ZNF529: variants seen among roughly 807,000 people sequenced by gnomAD.
ZNF529 encodes the protein zinc finger protein 529.
A neutral mutation model predicts 10.1 loss-of-function variants in ZNF529; 11 were observed. The ratio of observed to expected loss-of-function variants is 1.09; its 90% CI spans 0.69 to 1.81. The LOEUF (loss-of-function observed/expected upper bound fraction) is 1.81. ZNF529 is among the 40% of genes most tolerant of loss of function. The pLI, the probability that ZNF529 is intolerant of heterozygous loss-of-function variation, is 0.00. For missense variants in ZNF529, 624 were observed against 666.8 expected (o/e 0.94, Z 0.71); for synonymous variants, 204 against 215.7 (o/e 0.95, Z 0.47).
At chr19:36,596,708 G>A (rs2036848253) in intron 1 of ZNF529, among the ~76,000 whole-genome samples, 1 of 151,070 alleles carries the variant, frequency 6.6e-6, no homozygotes, top group East Asian at 2.0e-4. Context: ...TAGTAAAGAT[G>A]GGGTTTTCAC....
intron 2 of ZNF529, among the ~76,000 whole-genome samples, chr19:36,567,973 A>G (rs1251107191): frequency 6.6e-6 from 1 of 152,210 alleles, no homozygotes; most frequent in African/African-American, 2.4e-5. Flanking sequence ...CCCAACAAAA[A>G]GACAAACAGC....
intron 2 of ZNF529, among the ~76,000 whole-genome samples, chr19:36,561,366 A>T (rs903982190): frequency 6.6e-5 from 10 of 150,650 alleles, no homozygotes; most frequent in Non-Finnish European, 1.2e-4. Flanking sequence ...GAAGCATGGC[A>T]TCCTTCAAAG....
chr19:36,574,842 G>A, upstream of ZNF529: 1 of 471,240 alleles, frequency 2.1e-6, no homozygotes, highest in Non-Finnish European at 4.4e-6. Context: ...TACGAATAAA[G>A]CTGGCACGTT....
chr19:36,559,004 A>G (rs1235906752), intron 2 of ZNF529, among the ~76,000 whole-genome samples: 1 of 152,124 alleles, frequency 6.6e-6, no homozygotes, highest in African/African-American at 2.4e-5. Context: ...GAAGATATAC[A>G]AATGGTCAAC....
chr19:36,583,012 C>A (rs747448828), intron 2 of ZNF529, among the ~76,000 whole-genome samples: 5 of 152,024 alleles, frequency 3.3e-5, no homozygotes, highest in Non-Finnish European at 7.4e-5. Context: ...CTTCTCAAAA[C>A]TCTTGACTCA....
chr19:36,576,669 A>T (rs1345320950), upstream of ZNF529, among the ~76,000 whole-genome samples: 1 of 152,060 alleles, frequency 6.6e-6, no homozygotes, highest in Non-Finnish European at 1.5e-5. Flanking sequence ...GTGAGCCAAG[A>T]TCGTGCCATT....
chr19:36,565,556 C>T (rs757212298), intron 2 of ZNF529, among the ~76,000 whole-genome samples: 7 of 152,100 alleles, frequency 4.6e-5, no homozygotes, highest in Admixed American at 2.0e-4. Context: ...CAAAAATTAG[C>T]TGGGAATGGT....
chr19:36,579,771 T>C (rs1303776589), intron 2 of ZNF529, among the ~76,000 whole-genome samples: 1 of 152,230 alleles, frequency 6.6e-6, no homozygotes, highest in Admixed American at 6.5e-5. Flanking sequence ...GAGAGAATGC[T>C]AAGGACTAGG....
chr19:36,579,892 T>C (rs1173266050), intron 2 of ZNF529, among the ~76,000 whole-genome samples: 1 of 152,212 alleles, frequency 6.6e-6, no homozygotes, highest in Non-Finnish European at 1.5e-5. Context: ...CTGTAATATT[T>C]TTACATTATA....
At chr19:36,571,630 G>A (rs944369947) in intron 2 of ZNF529, among the ~76,000 whole-genome samples, 5 of 149,004 alleles carry the variant, frequency 3.4e-5, no homozygotes, top group African/African-American at 5.0e-5. Context: ...AACTGAGATC[G>A]CACCATTGCG....
chr19:36,563,122 A>T (rs910044704), intron 2 of ZNF529, among the ~76,000 whole-genome samples: 5 of 151,934 alleles, frequency 3.3e-5, no homozygotes, highest in African/African-American at 1.2e-4. Flanking sequence ...CAAACAGACT[A>T]AGAAAGTTGC....
intron 1 of ZNF529, among the ~76,000 whole-genome samples, chr19:36,595,601 G>A (rs1358216876): frequency 6.6e-6 from 1 of 151,766 alleles, no homozygotes; most frequent in East Asian, 1.9e-4. Context: ...TGGAGGTTGA[G>A]CTACTTGAAC....
At chr19:36,573,050 A>G in intron 1 of ZNF529, 90 bp downstream of exon 1, 1 of 178,834 alleles carries the variant, frequency 5.6e-6, no homozygotes, top group Admixed American at 5.6e-5. Flanking sequence ...CACCGTCCTG[A>G]GTCCGATCAA....
At chr19:36,579,953 G>A (rs2036426630) in intron 2 of ZNF529, among the ~76,000 whole-genome samples, 2 of 152,052 alleles carry the variant, frequency 1.3e-5, no homozygotes, top group East Asian at 1.9e-4. Flanking sequence ...CACTTAAAAC[G>A]CAAACACATT....
intron 2 of ZNF529, chr19:36,580,563 T>C (rs1211745330): frequency 6.6e-6 from 1 of 152,204 alleles, no homozygotes; most frequent in Non-Finnish European, 1.5e-5. Flanking sequence ...TAAAATGTTA[T>C]TACATGACAC....
intron 1 of ZNF529, among the ~76,000 whole-genome samples, chr19:36,593,307 C>T (rs1272430417): frequency 2.6e-5 from 4 of 152,124 alleles, no homozygotes; most frequent in East Asian, 1.9e-4. Context: ...TCCAGAGTAT[C>T]GGGGACTACA....
intron 1 of ZNF529, among the ~76,000 whole-genome samples, chr19:36,595,971 C>G (rs1056621149): frequency 4.0e-5 from 6 of 150,670 alleles, no homozygotes; most frequent in African/African-American, 1.5e-4. Context: ...TTCTAAGTTA[C>G]TGAAAGGTGT....
upstream of ZNF529, among the ~76,000 whole-genome samples, chr19:36,575,110 G>A (rs1236932413): frequency 6.6e-6 from 1 of 152,194 alleles, no homozygotes; most frequent in Non-Finnish European, 1.5e-5. Context: ...AAGATCACAG[G>A]AAACTGAATG....
chr19:36,598,569 G>A (rs2036876683), intron 1 of ZNF529, among the ~76,000 whole-genome samples: 1 of 151,940 alleles, frequency 6.6e-6, no homozygotes, highest in Non-Finnish European at 1.5e-5. Context: ...AACAAAAGAT[G>A]TGATTAAAAC....
Sources: gnomAD v4.1 joint callset for allele counts (sites outside exome capture counted in the v4.1 genomes callset) on GRCh38, gnomAD v4.1.1 for gene constraint, MANE v1.5 for transcripts, NCBI Gene and HGNC (gene_info 2026-07-23, HGNC 2026-07-21) for gene names.